Variants in DNAH1 observed in about 807,000 individuals in gnomAD.
DNAH1 encodes dynein axonemal heavy chain 1.
In DNAH1, 327 loss-of-function variants were observed where a neutral mutation model predicts 484.3. The ratio of observed to expected loss-of-function variants is 0.68; its 90% CI spans 0.62 to 0.74. DNAH1 has a LOEUF of 0.74. DNAH1 is among the 30% of genes least tolerant of loss of function. The pLI is 0.00. For synonymous variants in DNAH1, 2,192 were observed against 2,191.9 expected, an observed-to-expected ratio of 1.00 and a Z score of 0.00; for missense variants, 5,052 against 5,546.8, an observed-to-expected ratio of 0.91 and a Z score of 2.83.
At chr3:52,385,099 G>T in intron 53 of DNAH1, 122 bp downstream of exon 53, 2 of 1,258,230 alleles carry the variant, frequency 1.6e-6, no homozygotes, top group Non-Finnish European at 2.2e-6. Context: ...ACGTTGAAGT[G>T]GGTGGCTTCC....
At position 52,395,144 on chromosome 3, in the gene DNAH1, T is replaced by C; in HGVS notation, c.10968+85T>C. On this transcript the variant is annotated intron_variant, in intron 68 of 77. Coordinates refer to ENST00000420323, the MANE Select transcript of DNAH1 (RefSeq NM_015512.5). This position sits in a 1 kb window ranked among gnomAD's most constrained non-coding sequence, Gnocchi z 4.4. ...GGGCCCTGGCTGCATCTGGATAGAC[T>C]ACTTGGCCAGGCCAGGACCCCTGCT... The C allele has an allele frequency of 1.3e-6, 2 of 1,525,312 alleles. No individual in the cohort carries two copies. The highest frequency in any genetic ancestry group is 8.8e-7 in the Non-Finnish European group (1 of 1,131,910). 94.5% of individuals were successfully genotyped at this position (1,525,312 alleles called of 1,614,324 possible).
Position 52,386,755 on chromosome 3 carries a change from G to T in DNAH1, c.8905G>T (p.Glu2969Ter). 4 of 1,587,578 alleles carry T rather than the reference G, an allele frequency of 2.5e-6. No homozygotes were observed. The highest frequency in any genetic ancestry group is 1.3e-5 in the African/African-American group (1 of 74,450). ...CATCAAGCCCAAGAAGGTGCCTGGA[G>T]AAAAGCCAGGCACCAAGGTGGATGA... The part of the protein sequence containing the change: ...KGIKPKKVPG[E>*]KPGTKVDDYW... The change falls in exon 56 of 78, where the codon GAA (glutamate) becomes TAA (stop). Residue 2969 changes from glutamate to a stop codon, truncating the protein, a stop_gained. Coordinates refer to ENST00000420323, the MANE Select transcript of DNAH1 (RefSeq NM_015512.5). LOFTEE classifies it high-confidence loss of function.
At chr3:52,318,395 C>G (rs1391512463) in intron 1 of DNAH1, among the ~76,000 whole-genome samples, 1 of 152,200 alleles carries the variant, frequency 6.6e-6, no homozygotes, top group Non-Finnish European at 1.5e-5. Context: ...ACTTGCCAGA[C>G]CAGTTTTTGG....
At chr3:52,323,334 G>A (rs1418260003) in intron 2 of DNAH1, among the ~76,000 whole-genome samples, 1 of 152,054 alleles carries the variant, frequency 6.6e-6, no homozygotes, top group Non-Finnish European at 1.5e-5. Context: ...GCAGGGAAAA[G>A]AGAGGGGGGA....
intron 48 of DNAH1, among the ~76,000 whole-genome samples, chr3:52,380,727 G>A (rs1336898374): frequency 6.6e-6 from 1 of 152,210 alleles, no homozygotes; most frequent in African/African-American, 2.4e-5. Flanking sequence ...GCTGTGGCAG[G>A]TGAGCTCCCC....
Position 52,326,199 on chromosome 3 carries a change from T to G in DNAH1, c.466T>G (p.Ser156Ala). ...GCGCATGGAGCAGCAGTGCATCGGGTCCACCACCCGGCTGCTCGCCCAGAC... is the reference window on the plus strand; with the variant it reads ...GCGCATGGAGCAGCAGTGCATCGGGGCCACCACCCGGCTGCTCGCCCAGAC... Reference protein sequence around the residue: ...QERMEQQCIGSTTRLLAQTDF... With the variant: ...QERMEQQCIGATTRLLAQTDF... Residue 156 changes from serine to alanine, a missense_variant, in exon 4 of 78, where the codon TCC becomes GCC. Transcript: ENST00000420323. 1.2e-6 allele frequency: 2 copies of G among 1,612,928 alleles called. No individual in the cohort carries two copies. Among genetic ancestry groups the G allele is most frequent in the Non-Finnish European group, 1.7e-6 (2 of 1,179,502 alleles).
intron 21 of DNAH1, among the ~76,000 whole-genome samples, chr3:52,356,096 G>A (rs992418514): frequency 6.6e-6 from 1 of 151,940 alleles, no homozygotes; most frequent in Non-Finnish European, 1.5e-5. Flanking sequence ...GAGAAGACAA[G>A]AGATACATCC....
At chr3:52,394,804 A>G in intron 67 of DNAH1, 111 bp from the exon 68 acceptor site, 1 of 1,505,290 alleles carries the variant, frequency 6.6e-7, no homozygotes, top group Non-Finnish European at 9.0e-7. Flanking sequence ...CTCCAGTGCC[A>G]TACCCCTGGG....
At chr3:52,360,887 T>C (rs1361532348) in intron 28 of DNAH1, among the ~76,000 whole-genome samples, 1 of 152,184 alleles carries the variant, frequency 6.6e-6, no homozygotes, top group African/African-American at 2.4e-5. Context: ...TAGCTGGATT[T>C]TCAAGCTGTG....
Position 52,332,302 on chromosome 3 carries a change from G to T in DNAH1, c.1194G>T (p.Met398Ile). Residue 398 changes from methionine (M) to isoleucine (I), a missense_variant, in exon 8 of 78, where the codon ATG becomes ATT. This residue lies in a region of DNAH1 where 1,263 missense variants were observed against 1,218.8 expected (regional missense o/e 1.04). Transcript: ENST00000420323. ...TCTACAACTTGTATGTGGACTGCATGCCCTCTGACGGCCAGCATGTCATCA... is the reference window on the plus strand; with the variant it reads ...TCTACAACTTGTATGTGGACTGCATTCCCTCTGACGGCCAGCATGTCATCA... Reference protein sequence around the residue: ...LLLYNLYVDCMPSDGQHVISE... With the variant: ...LLLYNLYVDCIPSDGQHVISE... 6.2e-7 allele frequency: 1 copy of T among 1,614,070 alleles called. No homozygotes were observed.
At chr3:52,389,320 C>T (rs764951194) in intron 59 of DNAH1, 141 bp from the exon 60 acceptor site, 109 of 1,283,014 alleles carry the variant, frequency 8.5e-5, no homozygotes, top group East Asian at 7.4e-4. Context: ...GAAAGTCACC[C>T]GAAGTGGGAT....
Position 52,347,839 on chromosome 3 carries a change from C to T in DNAH1, c.1971C>T (p.Pro657=). The T allele has an allele frequency of 6.3e-7, 1 of 1,594,158 alleles. No individual in the cohort carries two copies. The highest frequency in any genetic ancestry group is 8.6e-7 in the Non-Finnish European group (1 of 1,169,266). ...TTGCCTGCAGGCCCCGGAAGAATCC[C>T]CTGTTCATCATGGACCTGGTGCTGG... ...INSPYRPRKN[P]LFIMDLVLDS... Residue 657 remains proline (P), a synonymous_variant, in exon 12 of 78, where the codon CCC becomes CCT. Transcript: ENST00000420323.
intron 1 of DNAH1, among the ~76,000 whole-genome samples, chr3:52,322,100 G>A (rs1419432453): frequency 6.6e-6 from 1 of 152,136 alleles, no homozygotes; most frequent in Non-Finnish European, 1.5e-5. Flanking sequence ...GGGGAGAGGG[G>A]TGGACAAGTG....
chr3:52,361,367 G>T lies in DNAH1; in HGVS notation c.4874+15G>T. On this transcript the variant is annotated intron_variant, in intron 29 of 77. Transcript: ENST00000420323. This position sits in a 1 kb window ranked among gnomAD's most constrained non-coding sequence, Gnocchi z 5.6. ...GGCCTGGCCAGGTGAGGCTGGGCAT[G>T]AGCGTGGCACAGGATGGGGTGGGAC... 2 of 1,557,570 alleles carry T rather than the reference G, an allele frequency of 1.3e-6. No homozygotes were observed. Among genetic ancestry groups the T allele is most frequent in the South Asian group, 2.4e-5 (2 of 83,578 alleles).
chr3:52,400,192 C>A, intron 77 of DNAH1, 133 bp from the exon 78 acceptor site: 2 of 1,238,198 alleles, frequency 1.6e-6, no homozygotes, highest in Non-Finnish European at 2.3e-6. Context: ...ACCCCCTCAT[C>A]AGGTAGGCTT....
At chr3:52,370,945 G>A (rs985236631) in intron 41 of DNAH1, 120 bp downstream of exon 41, 1 of 905,328 alleles carries the variant, frequency 1.1e-6, no homozygotes, top group Non-Finnish European at 1.7e-6. Flanking sequence ...GTCTCAGGCA[G>A]CGGTTATTTG....
intron 1 of DNAH1, 82 bp downstream of exon 1, chr3:52,316,627 C>A (rs1700960574): frequency 6.6e-6 from 1 of 152,230 alleles, no homozygotes; most frequent in African/African-American, 2.4e-5. Flanking sequence ...AAGGGCTGAA[C>A]CACTGTCTCC....
In DNAH1 at chr3:52,391,546, A is replaced by T. The variant is rs375864851; in HGVS notation, c.9995A>T (p.His3332Leu). Residue 3332 changes from histidine (H) to leucine (L), a missense_variant, in exon 63 of 78, where the codon CAC becomes CTC. This residue lies in a region of DNAH1 where 2,929 missense variants were observed against 3,409.4 expected (regional missense o/e 0.86). Transcript: ENST00000420323. ...ATCACCACCAAGCTGCCCAACCCAC[A>T]CTACACGCCCGAGATCTCCACCAAA... ...MYITTKLPNPHYTPEISTKLT... is the reference protein window; with the variant it reads ...MYITTKLPNPLYTPEISTKLT... The T allele has an allele frequency of 3.7e-5, 55 of 1,472,020 alleles. No homozygotes were observed. The highest frequency in any genetic ancestry group is 4.7e-5 in the Non-Finnish European group (52 of 1,106,752). The allele number at this position is 1,472,020 out of a possible 1,614,324, so 91.2% of individuals were successfully genotyped here.
At position 52,368,740 on chromosome 3, in the gene DNAH1, G is replaced by A; in HGVS notation, c.5766-1G>A. 1 of 1,612,768 alleles carries A rather than the reference G, an allele frequency of 6.2e-7. No homozygotes were observed. The highest frequency in any genetic ancestry group is 8.5e-7 in the Non-Finnish European group (1 of 1,179,424). ...CAGCCCTCTCCTCCCTGGCGCTGCA[G>A]GACAGACGGGATATTCTCCTCGTTC... On this transcript the variant is annotated splice_acceptor_variant, in intron 36 of 77. Transcript: ENST00000420323. LOFTEE classifies it high-confidence loss of function. The surrounding 1 kb of genome is among the most constrained non-coding windows in gnomAD (Gnocchi z 4.4).
Sources: gnomAD v4.1 joint callset for allele counts (sites outside exome capture counted in the v4.1 genomes callset) on GRCh38, gnomAD v4.1.1 for gene constraint, gnomAD v4.1.1 regional missense constraint, Gnocchi (gnomAD v3.1) non-coding constraint, MANE v1.5 for transcripts, NCBI Gene and HGNC (gene_info 2026-07-23, HGNC 2026-07-21) for gene names.